EVC2: variants seen among roughly 807,000 people sequenced by gnomAD.
EVC2 encodes EvC ciliary complex subunit 2.
A neutral mutation model predicts 149.3 loss-of-function variants in EVC2; 148 were observed. The observed-to-expected ratio is 0.99, with a 90% CI of 0.87 to 1.14. EVC2 has a LOEUF of 1.14. Among genes scored for constraint, EVC2 ranks in the 50% most tolerant of loss-of-function variants. The pLI is 0.00. For missense variants in EVC2, 1,854 were observed against 1,627.3 expected (o/e 1.14, Z -2.40); for synonymous variants, 776 against 649.9 (o/e 1.19, Z -2.95).
At chr4:5,575,985 G>A (rs746871365) in intron 18 of EVC2, among the ~76,000 whole-genome samples, 4 of 152,160 alleles carry the variant, frequency 2.6e-5, no homozygotes, top group Non-Finnish European at 5.9e-5. Context: ...CTTCTTGTGA[G>A]TCTATATTTC....
intron 22 of EVC2, chr4:5,543,009 T>G (rs1721544186): frequency 1.8e-6 from 1 of 568,954 alleles, no homozygotes; most frequent in South Asian, 1.8e-5. Flanking sequence ...TGTTAAGTGA[T>G]GCGGGCAGAG....
chr4:5,669,329 G>T (rs868669884), intron 7 of EVC2, among the ~76,000 whole-genome samples: 1 of 152,174 alleles, frequency 6.6e-6, no homozygotes, highest in African/African-American at 2.4e-5. Context: ...TGTGGAACAC[G>T]TATCATCCCT....
At position 5,584,653 on chromosome 4, in the gene EVC2, G is replaced by A. The variant is rs767569893; in HGVS notation, c.3027C>T (p.Ala1009=). ...TGTGCGACTCCAGGATCTGTGTGCAGGCCGACTTGGTCAGCATCTCAGATG... is the reference window on the plus strand; with the variant it reads ...TGTGCGACTCCAGGATCTGTGTGCAAGCCGACTTGGTCAGCATCTCAGATG... The part of the protein sequence containing the change: ...LSASEMLTKS[A]CTQILESHSR... The change falls in exon 17 of 22, where the codon GCC becomes GCT. Residue 1009 remains alanine, a synonymous_variant. Coordinates refer to ENST00000344408, the MANE Select transcript of EVC2 (RefSeq NM_147127.5). The A allele has an allele frequency of 5.0e-6, 8 of 1,613,832 alleles. No individual in the cohort carries two copies. In the African/African-American group the frequency reaches 9.3e-5, roughly 19 times the overall value.
At position 5,686,127 on chromosome 4, in the gene EVC2, C is replaced by CACACATAT. The variant is rs71171411; in HGVS notation, c.707-649_707-648insATATGTGT. ...ACACACACACACACACACACACACA[C>CACACATAT]AGAGTAAAGAAAAGAGGAGGAACGC... is the stretch of plus-strand genomic sequence containing the variant. On this transcript the variant is annotated intron_variant, in intron 5 of 21. Coordinates refer to ENST00000344408, the MANE Select transcript of EVC2 (RefSeq NM_147127.5). This position sits in a 1 kb window ranked among gnomAD's most constrained non-coding sequence, Gnocchi z 5.4. 0.028 allele frequency among the ~76,000 whole-genome samples: 4,185 copies of CACACATAT among 149,614 alleles called. 80 individuals carry two copies. Among genetic ancestry groups the CACACATAT allele is most frequent in the Non-Finnish European group, 0.035 (2,369 of 67,646 alleles).
rs1056207279 is a variant in EVC2 at position 5,636,743 on chromosome 4, G to A, written c.1470+3771C>T. ...GTACTAAACTTTACTCAGGAAAGCT[G>A]ATACTGCTCCTTTTGCTTTTCTTTT... On this transcript the variant is annotated intron_variant, in intron 10 of 21. Coordinates refer to ENST00000344408, the MANE Select transcript of EVC2 (RefSeq NM_147127.5). This position sits in a 1 kb window ranked among gnomAD's most constrained non-coding sequence, Gnocchi z 4.6. Among the ~76,000 whole-genome samples, 1 of 152,110 alleles carries A rather than the reference G, an allele frequency of 6.6e-6. No individual in the cohort carries two copies. The highest frequency in any genetic ancestry group is 2.4e-5 in the African/African-American group (1 of 41,428).
In EVC2 at chr4:5,622,366, T is replaced by G. The variant is rs530285914; in HGVS notation, c.2501+171A>C. 1.3e-5 allele frequency among the ~76,000 whole-genome samples: 2 copies of G among 152,118 alleles called. No individual in the cohort carries two copies. The highest frequency in any genetic ancestry group is 4.2e-4 in the South Asian group (2 of 4,814). ...AATCCTTGTAGGGTCCTGCGTGACA[T>G]TCGAGGTCCTCCCCCCGGGGCGTTG... is the stretch of plus-strand genomic sequence containing the variant. On this transcript the variant is annotated intron_variant, in intron 14 of 21. Transcript: ENST00000344408. This position sits in a 1 kb window ranked among gnomAD's most constrained non-coding sequence, Gnocchi z 5.8.
chr4:5,592,880 T>TC (rs1560147121), intron 16 of EVC2, among the ~76,000 whole-genome samples: 1 of 152,096 alleles, frequency 6.6e-6, no homozygotes, highest in Non-Finnish European at 1.5e-5. Context: ...TTTGGCTGTG[T>TC]CCCCACCCAA....
intron 1 of EVC2, among the ~76,000 whole-genome samples, chr4:5,705,309 T>C (rs913003019): frequency 3.3e-5 from 5 of 152,206 alleles, no homozygotes; most frequent in African/African-American, 1.2e-4. Flanking sequence ...TCATCTCTAA[T>C]TCTTGGGACA....
In EVC2 at chr4:5,696,285, C is replaced by A. The variant is rs1002107515; in HGVS notation, c.283+1308G>T. Reference sequence around the variant, plus strand: ...CCTCTCTGGCTCTCCTGGTCCTCAGCTTTAATGAAGACTCCAAAGTGATCC... The same window carrying A: ...CCTCTCTGGCTCTCCTGGTCCTCAGATTTAATGAAGACTCCAAAGTGATCC... On this transcript the variant is annotated intron_variant, in intron 2 of 21. Coordinates refer to ENST00000344408, the MANE Select transcript of EVC2 (RefSeq NM_147127.5). The surrounding 1 kb of genome is among the most constrained non-coding windows in gnomAD (Gnocchi z 4.1). 6.6e-6 allele frequency among the ~76,000 whole-genome samples: 1 copy of A among 152,202 alleles called. No homozygotes were observed. Among genetic ancestry groups the A allele is most frequent in the African/African-American group, 2.4e-5 (1 of 41,452 alleles).
intron 16 of EVC2, among the ~76,000 whole-genome samples, chr4:5,604,918 C>T (rs1443185296): frequency 6.6e-6 from 1 of 151,920 alleles, no homozygotes; most frequent in Non-Finnish European, 1.5e-5. Context: ...ACCTCTGCTA[C>T]CCCCGAGACA....
intron 9 of EVC2, among the ~76,000 whole-genome samples, chr4:5,659,480 T>C (rs1408316206): frequency 2.0e-5 from 3 of 150,506 alleles, no homozygotes; most frequent in Non-Finnish European, 4.4e-5. Flanking sequence ...TGGAGTTCAA[T>C]AAATATTGAA....
intron 19 of EVC2, among the ~76,000 whole-genome samples, chr4:5,570,373 C>T (rs913954039): frequency 6.6e-6 from 1 of 152,214 alleles, no homozygotes; most frequent in Non-Finnish European, 1.5e-5. Context: ...CTTCCAGCTC[C>T]AGTGGTCCCT....
rs776531365 is a variant in EVC2 at position 5,697,645 on chromosome 4, G to T, written c.231C>A (p.Asp77Glu). The change falls in exon 2 of 22, where the codon GAC becomes GAA. Residue 77 changes from aspartate (D) to glutamate (E), a missense_variant and splice_region_variant. Coordinates refer to ENST00000344408, the MANE Select transcript of EVC2 (RefSeq NM_147127.5). ...CTTTGGGCCAAATCATACAGGGCAA[G>T]TCCTAAAAAATTCAAGACACAAAGT... is the stretch of plus-strand genomic sequence containing the variant. Reference protein sequence around the residue: ...SGAGPESSTQDLPCMIWPKVE... With the variant: ...SGAGPESSTQELPCMIWPKVE... 1.2e-6 allele frequency: 2 copies of T among 1,613,978 alleles called. No homozygotes were observed. Among genetic ancestry groups the T allele is most frequent in the South Asian group, 1.1e-5 (1 of 91,074 alleles).
chr4:5,708,687 G>T (rs960323332), upstream of EVC2: 10 of 490,796 alleles, frequency 2.0e-5, no homozygotes, highest in East Asian at 3.6e-4. Flanking sequence ...GGACGGGCGT[G>T]GGAGGGGGAG....
chr4:5,538,886 G>A (rs968295550), downstream of EVC2, among the ~76,000 whole-genome samples: 1 of 152,068 alleles, frequency 6.6e-6, no homozygotes, highest in Admixed American at 6.6e-5. Flanking sequence ...CAACCGAATC[G>A]AAACTAGTGG....
chr4:5,694,844 C>T (rs1421360937), intron 2 of EVC2, among the ~76,000 whole-genome samples: 2 of 152,178 alleles, frequency 1.3e-5, no homozygotes, highest in Non-Finnish European at 2.9e-5. Context: ...CCTGGCTCTG[C>T]CCCTCCAGCT....
intron 1 of EVC2, among the ~76,000 whole-genome samples, chr4:5,701,650 T>G (rs1183654713): frequency 6.6e-6 from 1 of 152,188 alleles, no homozygotes; most frequent in Non-Finnish European, 1.5e-5. Flanking sequence ...ATTTATACAC[T>G]GACTATTCCC....
At chr4:5,708,002 A>G (rs1373673833) in intron 1 of EVC2, 1 of 294,472 alleles carries the variant, frequency 3.4e-6, no homozygotes, top group Non-Finnish European at 6.2e-6. Flanking sequence ...ACAGGAGTGA[A>G]CTGCCCTAGG....
downstream of EVC2, among the ~76,000 whole-genome samples, chr4:5,538,112 G>C (rs1002113002): frequency 6.6e-6 from 1 of 150,674 alleles, no homozygotes; most frequent in Non-Finnish European, 1.5e-5. Context: ...GGGAGGGAGG[G>C]AGGAGGACGC....
Sources: gnomAD v4.1 joint callset for allele counts (sites outside exome capture counted in the v4.1 genomes callset) on GRCh38, gnomAD v4.1.1 for gene constraint, Gnocchi (gnomAD v3.1) non-coding constraint, MANE v1.5 for transcripts, NCBI Gene and HGNC (gene_info 2026-07-23, HGNC 2026-07-21) for gene names.